ADAM22: variants seen among roughly 807,000 people sequenced by gnomAD.
ADAM22 encodes the protein ADAM metallopeptidase domain 22, also known as disintegrin and metalloproteinase domain-containing protein 22.
In ADAM22, 65 loss-of-function variants were observed where a neutral mutation model predicts 144.6. The observed-to-expected ratio is 0.45, with a 90% CI of 0.37 to 0.55. The LOEUF is 0.55. Ranked by LOEUF, ADAM22 falls within the 20% of genes least tolerant of loss-of-function variation. The pLI is 0.00. For missense variants in ADAM22, 974 were observed against 1,184.9 expected (o/e 0.82, Z 2.61); for synonymous variants, 391 against 412.6 (o/e 0.95, Z 0.63).
intron 3 of ADAM22, among the ~76,000 whole-genome samples, chr7:88,059,983 C>T (rs1375692227): frequency 6.6e-6 from 1 of 151,990 alleles, no homozygotes; most frequent in Non-Finnish European, 1.5e-5. Context: ...TATATACATG[C>T]ACATGCACCC....
intron 9 of ADAM22, among the ~76,000 whole-genome samples, chr7:88,128,977 TA>T (rs150818906): frequency 0.013 from 2,003 of 152,076 alleles, 48 homozygotes; most frequent in African/African-American, 0.045. Flanking sequence ...TGACAAGGTT[TA>T]AAAAAATGGA....
At chr7:87,982,072 C>G (rs866527995) in intron 3 of ADAM22, among the ~76,000 whole-genome samples, 1 of 119,496 alleles carries the variant, frequency 8.4e-6, no homozygotes, top group Admixed American at 8.4e-5. Context: ...TATATATACA[C>G]ACACACACAC....
chr7:87,936,407 G>A (rs2131170317), intron 2 of ADAM22, among the ~76,000 whole-genome samples: 1 of 151,898 alleles, frequency 6.6e-6, no homozygotes, highest in South Asian at 2.1e-4. Flanking sequence ...AAGAAGCAGG[G>A]GCCATAGTTT....
chr7:88,144,170 G>GT (rs148452959), intron 15 of ADAM22, among the ~76,000 whole-genome samples: 1 of 151,872 alleles, frequency 6.6e-6, no homozygotes, highest in Non-Finnish European at 1.5e-5. Flanking sequence ...TTATTTTGTT[G>GT]TTTTTTTCCT....
intron 31 of ADAM22, among the ~76,000 whole-genome samples, chr7:88,194,963 C>T (rs1850368900): frequency 6.6e-6 from 1 of 152,206 alleles, no homozygotes; most frequent in Admixed American, 6.5e-5. Context: ...GGCTTTACCA[C>T]AGTCCTGTGG....
chr7:87,999,417 G>A (rs1481736028), intron 3 of ADAM22, among the ~76,000 whole-genome samples: 1 of 35,392 alleles, frequency 2.8e-5, no homozygotes, highest in Non-Finnish European at 6.7e-5. Context: ...TCAAGAATCA[G>A]GGAGACTCAT....
At chr7:88,147,222 C>G (rs1836772575) in intron 17 of ADAM22, among the ~76,000 whole-genome samples, 1 of 152,164 alleles carries the variant, frequency 6.6e-6, no homozygotes, top group African/African-American at 2.4e-5. Context: ...TTTTTTGCCA[C>G]TTTCTTTACC....
At chr7:87,998,622 C>T (rs1562987020) in intron 3 of ADAM22, among the ~76,000 whole-genome samples, 1 of 152,172 alleles carries the variant, frequency 6.6e-6, no homozygotes, top group Non-Finnish European at 1.5e-5. Flanking sequence ...AACTCTTGAC[C>T]TTGTAATCTG....
chr7:88,194,358 A>G (rs559301375), intron 31 of ADAM22, among the ~76,000 whole-genome samples: 2 of 152,322 alleles, frequency 1.3e-5, no homozygotes, highest in East Asian at 3.9e-4. Flanking sequence ...GCAGGTGACC[A>G]CAAAGGCTCT....
chr7:87,977,917 T>C (rs977633756), intron 2 of ADAM22, among the ~76,000 whole-genome samples: 5 of 152,150 alleles, frequency 3.3e-5, no homozygotes, highest in African/African-American at 7.2e-5. Flanking sequence ...TTTTTGGAGG[T>C]TTAGATATCT....
intron 17 of ADAM22, among the ~76,000 whole-genome samples, chr7:88,147,701 A>G (rs1836950976): frequency 6.6e-6 from 1 of 152,156 alleles, no homozygotes; most frequent in Admixed American, 6.6e-5. Flanking sequence ...GCTGTATCCT[A>G]GCACTTAGTG....
intron 1 of ADAM22, 110 bp from the exon 2 acceptor site, chr7:87,934,916 T>G: frequency 6.8e-7 from 1 of 1,466,722 alleles, no homozygotes; most frequent in Non-Finnish European, 9.5e-7. Context: ...GAGGGGGCGG[T>G]GGGGATTTTC....
intron 6 of ADAM22, among the ~76,000 whole-genome samples, chr7:88,115,568 A>G (rs1050387112): frequency 1.3e-5 from 2 of 152,186 alleles, no homozygotes; most frequent in Admixed American, 6.5e-5. Context: ...TTATAAGGGT[A>G]CCAGCTATAC....
chr7:88,070,213 C>T (rs1394015920), intron 3 of ADAM22, among the ~76,000 whole-genome samples: 4 of 152,102 alleles, frequency 2.6e-5, no homozygotes, highest in Non-Finnish European at 4.4e-5. Flanking sequence ...AGATAGGTCC[C>T]TCTCTACTGT....
intron 3 of ADAM22, among the ~76,000 whole-genome samples, chr7:88,033,644 T>C (rs2129469863): frequency 6.6e-6 from 1 of 152,336 alleles, no homozygotes. Flanking sequence ...GGCAATGGGA[T>C]TCCCCAGGCT....
intron 22 of ADAM22, among the ~76,000 whole-genome samples, 154 bp downstream of exon 22, chr7:88,156,160 A>G (rs978088999): frequency 1.3e-5 from 2 of 152,196 alleles, no homozygotes; most frequent in Non-Finnish European, 2.9e-5. Flanking sequence ...CAGAGAAGAG[A>G]TAAAAAGAAG....
chr7:87,996,268 C>T (rs1252909107), intron 3 of ADAM22, among the ~76,000 whole-genome samples: 1 of 152,094 alleles, frequency 6.6e-6, no homozygotes, highest in Non-Finnish European at 1.5e-5. Flanking sequence ...GCTGCCATAA[C>T]AAAAATACCA....
chr7:88,045,352 TAATTC>T (rs1804346791), intron 3 of ADAM22, among the ~76,000 whole-genome samples: 1 of 152,152 alleles, frequency 6.6e-6, no homozygotes, highest in African/African-American at 2.4e-5. Flanking sequence ...TCTCCTTTGT[TAATTC>T]TTTCTATGTC....
chr7:87,992,672 A>G (rs1015657032), intron 3 of ADAM22, among the ~76,000 whole-genome samples: 4 of 152,076 alleles, frequency 2.6e-5, no homozygotes, highest in African/African-American at 4.8e-5. Flanking sequence ...TTTTTTTTCT[A>G]TAGCACATTT....
Sources: allele counts gnomAD v4.1 joint callset (sites outside exome capture counted in the v4.1 genomes callset), GRCh38; gene constraint gnomAD v4.1.1; transcripts MANE v1.5; gene names NCBI Gene and HGNC (gene_info 2026-07-23, HGNC 2026-07-21).